The following FRMD4B variants were observed in gnomAD, a reference collection of about 807,000 sequenced individuals.
FRMD4B encodes FERM domain-containing protein 4B.
A neutral mutation model predicts 141.5 loss-of-function variants in FRMD4B; 74 were observed. The ratio of observed to expected loss-of-function variants is 0.52; its 90% CI spans 0.43 to 0.63. The LOEUF (loss-of-function observed/expected upper bound fraction) is 0.63. Ranked by LOEUF, FRMD4B falls within the 30% of genes least tolerant of loss-of-function variation. FRMD4B has a pLI of 0.00. For synonymous variants in FRMD4B, 506 were observed against 467.9 expected (o/e 1.08, Z -1.05); for missense variants, 1,366 against 1,253.4 (o/e 1.09, Z -1.36).
intron 1 of FRMD4B, among the ~76,000 whole-genome samples, chr3:69,490,417 T>C (rs1706283428): frequency 6.6e-6 from 1 of 152,228 alleles, no homozygotes; most frequent in African/African-American, 2.4e-5. Context: ...GCTTCTCTTA[T>C]CTTCCAAAAC....
chr3:69,238,224 C>G (rs576103283), intron 7 of FRMD4B, among the ~76,000 whole-genome samples: 1 of 152,310 alleles, frequency 6.6e-6, no homozygotes, highest in African/African-American at 2.4e-5. Flanking sequence ...AGTACACAGG[C>G]AGCCAGTACA....
intron 8 of FRMD4B, among the ~76,000 whole-genome samples, chr3:69,223,087 T>C (rs1575626531): frequency 6.6e-6 from 1 of 152,358 alleles, no homozygotes; most frequent in East Asian, 1.9e-4. Flanking sequence ...ACATGTTGCT[T>C]TAGGAGAAAA....
chr3:69,187,079 C>T (rs2092775842), intron 19 of FRMD4B, among the ~76,000 whole-genome samples: 1 of 152,122 alleles, frequency 6.6e-6, no homozygotes, highest in South Asian at 2.1e-4. Flanking sequence ...AGTCCTGCTA[C>T]TTGGTTTTGC....
intron 1 of FRMD4B, among the ~76,000 whole-genome samples, chr3:69,326,239 A>C (rs2107309563): frequency 6.6e-6 from 1 of 151,610 alleles, no homozygotes; most frequent in Admixed American, 6.6e-5. Flanking sequence ...TTATAGGCAT[A>C]AGCCACCATG....
intron 1 of FRMD4B, among the ~76,000 whole-genome samples, chr3:69,540,648 TATATATATATATACAC>T (rs1423582693): frequency 8.0e-5 from 6 of 74,910 alleles, no homozygotes; most frequent in African/African-American, 2.9e-4. Context: ...TATATATATA[TATATATATATATACAC>T]ACACACACAC....
At chr3:69,468,063 T>A (rs1342009275) in intron 1 of FRMD4B, among the ~76,000 whole-genome samples, 1 of 152,230 alleles carries the variant, frequency 6.6e-6, no homozygotes, top group African/African-American at 2.4e-5. Flanking sequence ...AAATGTGCAA[T>A]AAATGTTAGC....
At chr3:69,491,374 G>GA (rs1392229146) in intron 1 of FRMD4B, among the ~76,000 whole-genome samples, 1 of 150,772 alleles carries the variant, frequency 6.6e-6, no homozygotes, top group Non-Finnish European at 1.5e-5. Context: ...GAAGAGAAAG[G>GA]AAAAAAGAAA....
chr3:69,345,463 C>T (rs1575750996), intron 1 of FRMD4B, among the ~76,000 whole-genome samples: 1 of 152,334 alleles, frequency 6.6e-6, no homozygotes, highest in East Asian at 1.9e-4. Flanking sequence ...TTAAATGTCC[C>T]TGTCTGACAG....
intron 1 of FRMD4B, among the ~76,000 whole-genome samples, chr3:69,523,102 G>A (rs9827060): frequency 0.28 from 42,259 of 149,662 alleles, 6,179 homozygotes; most frequent in African/African-American, 0.31. Context: ...CACCTGGAGA[G>A]GCCATATAAT....
intron 7 of FRMD4B, among the ~76,000 whole-genome samples, chr3:69,233,811 G>A (rs969166443): frequency 3.9e-5 from 6 of 152,152 alleles, no homozygotes; most frequent in Admixed American, 3.9e-4. Context: ...GGAAACATTT[G>A]CCAGTCTTCT....
intron 22 of FRMD4B, among the ~76,000 whole-genome samples, chr3:69,176,148 T>C (rs980788631): frequency 6.6e-6 from 1 of 151,976 alleles, no homozygotes; most frequent in African/African-American, 2.4e-5. Flanking sequence ...TTGTAAACAT[T>C]AGAGGAAATA....
At chr3:69,404,015 C>T (rs1379571729) in intron 2 of FRMD4B, among the ~76,000 whole-genome samples, 1 of 152,142 alleles carries the variant, frequency 6.6e-6, no homozygotes, top group African/African-American at 2.4e-5. Flanking sequence ...CCTGCCTCAG[C>T]CTCTCAAGTA....
At chr3:69,296,372 T>A (rs1701034719) in intron 4 of FRMD4B, among the ~76,000 whole-genome samples, 1 of 152,034 alleles carries the variant, frequency 6.6e-6, no homozygotes, top group Admixed American at 6.5e-5. Context: ...TGTAAGAAAC[T>A]AATATCATGA....
intron 1 of FRMD4B, among the ~76,000 whole-genome samples, chr3:69,369,391 A>C (rs1047508556): frequency 1.3e-5 from 2 of 152,178 alleles, no homozygotes; most frequent in African/African-American, 2.4e-5. Context: ...AACATAATTA[A>C]ATTTGATTTA....
At chr3:69,267,584 T>C in intron 5 of FRMD4B, among the ~76,000 whole-genome samples, 2 of 6,794 alleles carry the variant, frequency 2.9e-4, no homozygotes, top group East Asian at 1.7e-3. Flanking sequence ...TATATGTGTG[T>C]GTGTGTGTGT....
chr3:69,456,816 CTAAA>C (rs1220880558), intron 1 of FRMD4B, among the ~76,000 whole-genome samples: 29 of 151,324 alleles, frequency 1.9e-4, no homozygotes, highest in South Asian at 1.3e-3. Flanking sequence ...CCTGGACTGG[CTAAA>C]TAAAGTTTTA....
intron 7 of FRMD4B, among the ~76,000 whole-genome samples, chr3:69,234,523 T>A (rs1419065025): frequency 6.6e-6 from 1 of 152,206 alleles, no homozygotes; most frequent in Non-Finnish European, 1.5e-5. Context: ...GAATATCATG[T>A]TTCTTTCAGT....
intron 1 of FRMD4B, among the ~76,000 whole-genome samples, chr3:69,528,036 T>C (rs1403221214): frequency 1.3e-5 from 2 of 152,210 alleles, no homozygotes; most frequent in Non-Finnish European, 2.9e-5. Flanking sequence ...GTCTACTCTT[T>C]ACTTATACAA....
chr3:69,242,542 G>C (rs975639596), intron 7 of FRMD4B, among the ~76,000 whole-genome samples: 10 of 101,880 alleles, frequency 9.8e-5, no homozygotes, highest in Admixed American at 3.3e-4. Flanking sequence ...GCTGTAACTT[G>C]TGAATATTCC....
Sources: allele counts gnomAD v4.1 joint callset (sites outside exome capture counted in the v4.1 genomes callset), GRCh38; gene constraint gnomAD v4.1.1; transcripts MANE v1.5; gene names NCBI Gene and HGNC (gene_info 2026-07-23, HGNC 2026-07-21).